GRAMD1B: variants seen among roughly 807,000 people sequenced by gnomAD.
GRAMD1B encodes the protein GRAM domain containing 1B.
Under a neutral mutation model 99.7 loss-of-function variants are expected in GRAMD1B, and 37 were observed. That is an observed-to-expected ratio of 0.37 (90% CI 0.29 to 0.49). The LOEUF is 0.49. Among genes scored for constraint, GRAMD1B ranks in the 20% least tolerant of loss-of-function variants. The pLI is 0.98. For synonymous variants in GRAMD1B, 427 were observed against 387.6 expected (o/e 1.10, Z -1.19); for missense variants, 888 against 1,009.2 (o/e 0.88, Z 1.63).
chr11:123,403,293 G>A (rs897215629), intron 1 of GRAMD1B, among the ~76,000 whole-genome samples: 19 of 151,636 alleles, frequency 1.3e-4, no homozygotes, highest in Non-Finnish European at 2.6e-4. Context: ...CAGGCGTGAT[G>A]GTGCATGCCT....
intron 1 of GRAMD1B, among the ~76,000 whole-genome samples, chr11:123,454,118 G>A (rs1233815703): frequency 1.3e-5 from 2 of 152,182 alleles, no homozygotes; most frequent in East Asian, 3.8e-4. Flanking sequence ...TGGGACAAGC[G>A]TTCTTTCCGC....
intron 1 of GRAMD1B, among the ~76,000 whole-genome samples, chr11:123,379,155 C>T (rs1276252824): frequency 6.6e-6 from 1 of 152,198 alleles, no homozygotes; most frequent in Non-Finnish European, 1.5e-5. Flanking sequence ...TCGCTTACTG[C>T]AGCAGGAAGC....
intron 1 of GRAMD1B, among the ~76,000 whole-genome samples, chr11:123,467,039 A>G (rs1950713362): frequency 6.6e-6 from 1 of 152,104 alleles, no homozygotes; most frequent in Admixed American, 6.6e-5. Context: ...TAATTATTTT[A>G]ATTATGTGTG....
chr11:123,508,974 C>T (rs1365572591), intron 2 of GRAMD1B, among the ~76,000 whole-genome samples: 1 of 152,156 alleles, frequency 6.6e-6, no homozygotes, highest in Non-Finnish European at 1.5e-5. Flanking sequence ...TGTGAGCCAC[C>T]GTGCCTGGCC....
At chr11:123,390,105 T>C (rs1419395801) in intron 1 of GRAMD1B, among the ~76,000 whole-genome samples, 1 of 149,824 alleles carries the variant, frequency 6.7e-6, no homozygotes, top group African/African-American at 2.5e-5. Flanking sequence ...AAAAAATTGA[T>C]TTAACAAATA....
Position 123,608,744 on chromosome 11 carries a change from C to A in GRAMD1B, c.1599C>A (p.Asp533Glu), listed in dbSNP as rs777552496. 6.4e-6 allele frequency: 10 copies of A among 1,553,256 alleles called. No individual in the cohort carries two copies. Among genetic ancestry groups the A allele is most frequent in the African/African-American group, 1.4e-5 (1 of 73,118 alleles). Residue 533 changes from aspartate (D) to glutamate (E), a missense_variant, in exon 12 of 20, where the codon GAC becomes GAA. By Grantham distance (45) the Asp-to-Glu change is conservative. Around this residue, in one of 5 missense-constraint regions of GRAMD1B, gnomAD observed 269 missense variants for 296.6 expected, o/e 0.91. Coordinates refer to ENST00000635736, the MANE Select transcript of GRAMD1B (RefSeq NM_001387025.1). ...ACTTCAGCGTGGACAAGCTCTATGA[C>A]CTCCTCTTCACCAACTCGCCCTTCC... ...VFNFSVDKLY[D>E]LLFTNSPFQR...
At chr11:123,556,916 G>T (rs1023001434) in intron 2 of GRAMD1B, among the ~76,000 whole-genome samples, 1 of 152,154 alleles carries the variant, frequency 6.6e-6, no homozygotes. Context: ...TATAAACACC[G>T]TTAGGACAAA....
At chr11:123,392,091 G>A (rs1434991737) in intron 1 of GRAMD1B, among the ~76,000 whole-genome samples, 4 of 152,130 alleles carry the variant, frequency 2.6e-5, no homozygotes, top group African/African-American at 9.7e-5. Context: ...GGAAGAGCAT[G>A]CAATCAGTGG....
intron 1 of GRAMD1B, among the ~76,000 whole-genome samples, chr11:123,363,763 G>A (rs1029963171): frequency 2.6e-5 from 4 of 152,156 alleles, no homozygotes; most frequent in African/African-American, 4.8e-5. Context: ...AAGCTGGTGT[G>A]TACTTTGCTG....
At chr11:123,509,584 T>C (rs1490213757) in intron 2 of GRAMD1B, among the ~76,000 whole-genome samples, 1 of 152,250 alleles carries the variant, frequency 6.6e-6, no homozygotes, top group Non-Finnish European at 1.5e-5. Flanking sequence ...GGATGCCAGC[T>C]CTGGCACCGC....
chr11:123,611,605 G>T (rs1953582999), intron 14 of GRAMD1B, among the ~76,000 whole-genome samples: 1 of 151,846 alleles, frequency 6.6e-6, no homozygotes, highest in South Asian at 2.1e-4. Flanking sequence ...TTCCTCCACA[G>T]TGCCTAGGTT....
chr11:123,593,124 C>T (rs963432058), intron 4 of GRAMD1B, among the ~76,000 whole-genome samples: 4 of 151,974 alleles, frequency 2.6e-5, no homozygotes, highest in South Asian at 2.1e-4. Context: ...CCCAGCTACT[C>T]GGGAGGCTGA....
At chr11:123,557,002 C>G (rs186964234) in intron 2 of GRAMD1B, among the ~76,000 whole-genome samples, 1 of 152,162 alleles carries the variant, frequency 6.6e-6, no homozygotes, top group Admixed American at 6.5e-5. Context: ...GAGTAGGACT[C>G]GGGTAAGGCA....
chr11:123,592,537 T>C (rs1209283682), intron 4 of GRAMD1B, among the ~76,000 whole-genome samples: 1 of 152,186 alleles, frequency 6.6e-6, no homozygotes, highest in Non-Finnish European at 1.5e-5. Context: ...AGAAGGTCAG[T>C]TAGGCATAAT....
Position 123,598,498 on chromosome 11 carries a change from C to G in GRAMD1B, c.970-1970C>G, listed in dbSNP as rs994877356. On this transcript the variant is annotated intron_variant, in intron 7 of 19. Coordinates refer to ENST00000635736, the MANE Select transcript of GRAMD1B (RefSeq NM_001387025.1). ...ATTTGGGCTTCTAGAAAAGCAATGT[C>G]TTTGTTCCTCTCAGTGTCTTACTTG... 2.0e-5 allele frequency: 26 copies of G among 1,269,852 alleles called. No homozygotes were observed. In the Admixed American group the frequency reaches 3.0e-4, roughly 15 times the overall value. 78.7% of individuals were successfully genotyped at this position (1,269,852 alleles called of 1,614,324 possible).
chr11:123,561,938 T>A (rs1178784710), intron 2 of GRAMD1B, among the ~76,000 whole-genome samples: 1 of 152,074 alleles, frequency 6.6e-6, no homozygotes, highest in African/African-American at 2.4e-5. Context: ...CCCGTGAGGA[T>A]TGGGGGTGGG....
At chr11:123,618,489 C>T in intron 17 of GRAMD1B, 2 of 872,240 alleles carry the variant, frequency 2.3e-6, no homozygotes, top group South Asian at 2.7e-5. Flanking sequence ...ATGCCCCTCT[C>T]CATGGCTCTC....
intron 1 of GRAMD1B, among the ~76,000 whole-genome samples, chr11:123,453,603 C>T (rs1429638150): frequency 6.6e-6 from 1 of 152,196 alleles, no homozygotes; most frequent in East Asian, 1.9e-4. Flanking sequence ...AGACATGAGC[C>T]ACCGTGCCTG....
intron 2 of GRAMD1B, among the ~76,000 whole-genome samples, chr11:123,556,898 T>A (rs1946237865): frequency 6.6e-6 from 1 of 152,192 alleles, no homozygotes; most frequent in South Asian, 2.1e-4. Flanking sequence ...AGTGCCTCTA[T>A]GGGAAATTAT....
Sources: allele counts gnomAD v4.1 joint callset (sites outside exome capture counted in the v4.1 genomes callset), GRCh38; gene constraint gnomAD v4.1.1; regional missense constraint gnomAD v4.1.1; transcripts MANE v1.5; gene names NCBI Gene and HGNC (gene_info 2026-07-23, HGNC 2026-07-21).